CDH8: variants seen among roughly 807,000 people sequenced by gnomAD.
CDH8 encodes the protein cadherin 8.
In CDH8, 17 loss-of-function variants were observed where a neutral mutation model predicts 68.1. The ratio of observed to expected loss-of-function variants is 0.25; its 90% CI spans 0.17 to 0.37. The LOEUF (loss-of-function observed/expected upper bound fraction) is 0.37. CDH8 is among the 10% of genes least tolerant of loss of function. The pLI, the probability that CDH8 is intolerant of heterozygous loss-of-function variation, is 1.00. For synonymous variants in CDH8, 372 were observed against 365.1 expected (o/e 1.02, Z -0.21); for missense variants, 763 against 999.3 (o/e 0.76, Z 3.19).
At chr16:61,706,414 G>A (rs933086806) in intron 10 of CDH8, among the ~76,000 whole-genome samples, 3 of 151,932 alleles carry the variant, frequency 2.0e-5, no homozygotes, top group Non-Finnish European at 4.4e-5. Flanking sequence ...TCAGGAGATC[G>A]AGACCATCCT....
intron 7 of CDH8, among the ~76,000 whole-genome samples, chr16:61,797,189 A>G (rs1322641425): frequency 6.6e-6 from 1 of 152,050 alleles, no homozygotes; most frequent in Admixed American, 6.6e-5. Context: ...CCAATGCTAC[A>G]TATCCACACA....
intron 10 of CDH8, among the ~76,000 whole-genome samples, chr16:61,696,868 T>G (rs1213084753): frequency 3.3e-5 from 5 of 152,098 alleles, no homozygotes; most frequent in East Asian, 1.9e-4. Context: ...ATGTTCTCAC[T>G]TATGAGCAGT....
At chr16:61,727,526 G>C (rs1241303604) in intron 8 of CDH8, among the ~76,000 whole-genome samples, 5 of 150,940 alleles carry the variant, frequency 3.3e-5, no homozygotes, top group African/African-American at 7.3e-5. Context: ...TTCTTTAAAA[G>C]AAAAATGTTG....
At chr16:61,795,796 A>T (rs1183159778) in intron 7 of CDH8, among the ~76,000 whole-genome samples, 1 of 152,118 alleles carries the variant, frequency 6.6e-6, no homozygotes, top group Non-Finnish European at 1.5e-5. Context: ...TGTTTTCAAA[A>T]TATCTCTTAC....
At chr16:61,766,603 C>T (rs1960600252) in intron 8 of CDH8, among the ~76,000 whole-genome samples, 2 of 151,910 alleles carry the variant, frequency 1.3e-5, no homozygotes, top group Admixed American at 1.3e-4. Context: ...ACATTCCCAC[C>T]AGCAGTGTAT....
chr16:61,710,263 A>T (rs754024427), intron 10 of CDH8, among the ~76,000 whole-genome samples: 1 of 152,088 alleles, frequency 6.6e-6, no homozygotes, highest in Non-Finnish European at 1.5e-5. Context: ...AGTATTCGAT[A>T]CTTCCAGAAG....
At chr16:61,713,167 G>T (rs1964662494) in intron 10 of CDH8, among the ~76,000 whole-genome samples, 1 of 151,468 alleles carries the variant, frequency 6.6e-6, no homozygotes, top group South Asian at 2.1e-4. Flanking sequence ...TTTCAAATGA[G>T]ATAGACTTTA....
At chr16:61,670,539 A>T (rs539752029) in intron 10 of CDH8, among the ~76,000 whole-genome samples, 21 of 152,160 alleles carry the variant, frequency 1.4e-4, no homozygotes, top group African/African-American at 3.9e-4. Flanking sequence ...TAAAAATTTT[A>T]AAAATTTTAA....
intron 2 of CDH8, among the ~76,000 whole-genome samples, chr16:61,987,500 C>G (rs148138191): frequency 1.3e-5 from 2 of 152,196 alleles, no homozygotes; most frequent in East Asian, 3.9e-4. Context: ...GAGTTTGACT[C>G]TGTCTCAAAA....
intron 4 of CDH8, among the ~76,000 whole-genome samples, chr16:61,850,189 T>C (rs1048576642): frequency 7.9e-5 from 12 of 152,014 alleles, no homozygotes; most frequent in African/African-American, 2.4e-4. Context: ...GTTTTACTCA[T>C]GGCAGAAGGT....
Position 61,808,343 on chromosome 16 carries a change from G to A in CDH8, c.1277+9136C>T, listed in dbSNP as rs547008741. Among the ~76,000 whole-genome samples, 19 of 151,964 alleles carry A rather than the reference G, an allele frequency of 1.3e-4. No homozygotes were observed. In the South Asian group the frequency reaches 3.9e-3, roughly 32 times the overall value. Reference sequence around the variant, plus strand: ...CACTGAGATCAGAAGAAGAAAATGAGCAGGTAAAAAAAAAATAGAAATTTA... The same window carrying A: ...CACTGAGATCAGAAGAAGAAAATGAACAGGTAAAAAAAAAATAGAAATTTA... On this transcript the variant is annotated intron_variant, in intron 7 of 11. Transcript: ENST00000577390.
At chr16:61,782,828 C>G (rs556347433) in intron 8 of CDH8, among the ~76,000 whole-genome samples, 76 of 152,264 alleles carry the variant, frequency 5.0e-4, no homozygotes, top group African/African-American at 1.5e-3. Context: ...AGCAGGGGCA[C>G]ACTGACACCT....
chr16:61,832,758 A>C (rs1000011171), intron 4 of CDH8, among the ~76,000 whole-genome samples: 18 of 151,764 alleles, frequency 1.2e-4, no homozygotes, highest in Non-Finnish European at 2.5e-4. Flanking sequence ...TACAATATTA[A>C]GCAGACATTA....
rs557961182 is a variant in CDH8 at position 61,855,704 on chromosome 16, A to G, written c.667+1415T>C. On this transcript the variant is annotated intron_variant, in intron 4 of 11. Coordinates refer to ENST00000577390, the MANE Select transcript of CDH8 (RefSeq NM_001796.5). ...TCTGTCTTACAGAAGACCCTGTGCC[A>G]TAGTTATTACCTATTAAACTGAAGT... is the stretch of plus-strand genomic sequence containing the variant. Among the ~76,000 whole-genome samples the G allele has an allele frequency of 6.6e-5, 10 of 152,282 alleles. 1 individual carries two copies. In the South Asian group the frequency reaches 1.9e-3, roughly 28 times the overall value.
At chr16:61,680,344 A>G (rs1963989457) in intron 10 of CDH8, among the ~76,000 whole-genome samples, 2 of 151,972 alleles carry the variant, frequency 1.3e-5, no homozygotes, top group Non-Finnish European at 1.5e-5. Flanking sequence ...GATTGATGGT[A>G]GTAGGTGGTA....
intron 4 of CDH8, among the ~76,000 whole-genome samples, chr16:61,844,858 T>C (rs1016760318): frequency 6.6e-6 from 1 of 152,138 alleles, no homozygotes; most frequent in Non-Finnish European, 1.5e-5. Flanking sequence ...TCAATAACAA[T>C]CTTGTACAGT....
At chr16:61,768,357 T>G (rs5010227) in intron 8 of CDH8, among the ~76,000 whole-genome samples, 1 of 103,824 alleles carries the variant, frequency 9.6e-6, no homozygotes, top group African/African-American at 3.9e-5. Context: ...TCTCTCTCTC[T>G]CTCTCTCTCT....
chr16:61,975,236 A>G (rs1412181789), intron 2 of CDH8, among the ~76,000 whole-genome samples: 1 of 152,140 alleles, frequency 6.6e-6, no homozygotes, highest in Non-Finnish European at 1.5e-5. Context: ...AAAGAAAGAA[A>G]GGAAGAAAGA....
chr16:61,857,245 A>T lies in CDH8; in HGVS notation c.548-7T>A. Reference sequence around the variant, plus strand: ...ACGTTAGTGACAGATGTACCTAATAAAATAGAGAAAGAAAAAAGATAATAA... The same window carrying T: ...ACGTTAGTGACAGATGTACCTAATATAATAGAGAAAGAAAAAAGATAATAA... On this transcript the variant is annotated splice_region_variant and splice_polypyrimidine_tract_variant and intron_variant, in intron 3 of 11. Coordinates refer to ENST00000577390, the MANE Select transcript of CDH8 (RefSeq NM_001796.5). The T allele has an allele frequency of 1.2e-6, 2 of 1,608,980 alleles. No homozygotes were observed. Among genetic ancestry groups the T allele is most frequent in the Non-Finnish European group, 1.7e-6 (2 of 1,176,434 alleles).
Sources: allele counts gnomAD v4.1 joint callset (sites outside exome capture counted in the v4.1 genomes callset), GRCh38; gene constraint gnomAD v4.1.1; transcripts MANE v1.5; gene names NCBI Gene and HGNC (gene_info 2026-07-23, HGNC 2026-07-21).